Variants in ALG5 observed in about 807,000 individuals in gnomAD.
ALG5 encodes the protein dolichyl-phosphate beta-glucosyltransferase.
Under a neutral mutation model 51.8 loss-of-function variants are expected in ALG5, and 26 were observed. That is an observed-to-expected ratio of 0.50 (90% CI 0.37 to 0.70). The LOEUF is 0.70. Ranked by LOEUF, ALG5 falls within the 30% of genes least tolerant of loss-of-function variation. The probability of loss-of-function intolerance (pLI) is 0.00; values close to 1 mark genes in which losing one functional copy is unlikely to be tolerated. For synonymous variants in ALG5, 141 were observed against 136.1 expected (o/e 1.04, Z -0.25); for missense variants, 311 against 399.3 (o/e 0.78, Z 1.88).
intron 4 of ALG5, 90 bp from the exon 5 acceptor site, chr13:36,989,666 T>A: frequency 2.2e-6 from 2 of 921,258 alleles, no homozygotes; most frequent in Non-Finnish European, 3.4e-6. Flanking sequence ...CAAACACTGC[T>A]ATTGCAGTTT....
chr13:36,965,096 G>A (rs957823546), intron 8 of ALG5, among the ~76,000 whole-genome samples: 2 of 152,078 alleles, frequency 1.3e-5, no homozygotes, highest in East Asian at 3.9e-4. Context: ...CAATGGAAAG[G>A]GTTCTGGGAA....
At chr13:36,979,662 T>G (rs1213840994) in intron 6 of ALG5, among the ~76,000 whole-genome samples, 36 of 152,212 alleles carry the variant, frequency 2.4e-4, no homozygotes, top group Admixed American at 2.4e-3. Context: ...CTTCTTAATG[T>G]AATTTTTCTC....
chr13:36,994,593 G>A (rs1302078527), intron 3 of ALG5, among the ~76,000 whole-genome samples: 1 of 136,792 alleles, frequency 7.3e-6, no homozygotes. Flanking sequence ...TAAAAAAAGA[G>A]AGAAGAGAAT....
At chr13:36,970,548 C>T (rs896291082) in intron 7 of ALG5, among the ~76,000 whole-genome samples, 4 of 151,772 alleles carry the variant, frequency 2.6e-5, no homozygotes, top group Non-Finnish European at 4.4e-5. Flanking sequence ...TGCAGTAAGC[C>T]GAGATTGCGC....
At chr13:36,950,181 C>T (rs185915317) in intron 9 of ALG5, 124 bp from the exon 10 acceptor site, 4 of 535,798 alleles carry the variant, frequency 7.5e-6, no homozygotes. Flanking sequence ...AAATCATGGA[C>T]CAAAAAGTTA....
chr13:36,974,043 T>C (rs2058938453), intron 6 of ALG5, among the ~76,000 whole-genome samples: 1 of 152,228 alleles, frequency 6.6e-6, no homozygotes, highest in African/African-American at 2.4e-5. Flanking sequence ...ATTTCAGTAT[T>C]TGAAGTAGCA....
At chr13:36,964,376 T>C (rs1168111599) in intron 8 of ALG5, among the ~76,000 whole-genome samples, 1 of 152,154 alleles carries the variant, frequency 6.6e-6, no homozygotes, top group African/African-American at 2.4e-5. Context: ...AAGGATGGTG[T>C]TCTGGATGGC....
At chr13:36,989,721 C>T in intron 4 of ALG5, 145 bp from the exon 5 acceptor site, 1 of 599,512 alleles carries the variant, frequency 1.7e-6, no homozygotes, top group Non-Finnish European at 2.9e-6. Context: ...ATTCTGATGA[C>T]CTGGAGGAGC....
intron 7 of ALG5, 149 bp from the exon 8 acceptor site, chr13:36,965,875 A>C (rs1206441318): frequency 3.1e-6 from 2 of 637,074 alleles, no homozygotes; most frequent in Non-Finnish European, 5.1e-6. Context: ...CTTCACCAAC[A>C]AAGTATATTA....
intron 1 of ALG5, among the ~76,000 whole-genome samples, chr13:36,996,540 T>G (rs1349076855): frequency 6.6e-6 from 1 of 152,108 alleles, no homozygotes; most frequent in African/African-American, 2.4e-5. Flanking sequence ...TGGCCTATGA[T>G]GCAAGAATCT....
At chr13:36,955,797 C>T (rs995802196) in intron 8 of ALG5, among the ~76,000 whole-genome samples, 8 of 149,984 alleles carry the variant, frequency 5.3e-5, no homozygotes, top group Non-Finnish European at 8.9e-5. Flanking sequence ...TGCAGAAGGA[C>T]GAAACTGGAC....
chr13:36,979,446 T>C (rs1176090411), intron 6 of ALG5, among the ~76,000 whole-genome samples: 1 of 152,140 alleles, frequency 6.6e-6, no homozygotes, highest in African/African-American at 2.4e-5. Flanking sequence ...CTTGCTCACA[T>C]GGTCCACAAA....
intron 7 of ALG5, among the ~76,000 whole-genome samples, chr13:36,969,654 T>C (rs562081937): frequency 2.4e-4 from 37 of 152,074 alleles, no homozygotes; most frequent in African/African-American, 8.9e-4. Context: ...CCTGCCTCAG[T>C]CTCCCAAGTA....
rs558287263 is a variant in ALG5 at position 36,952,680 on chromosome 13, A to C, written c.774-81T>G. 2.3e-4 allele frequency: 178 copies of C among 771,796 alleles called. 1 individual carries two copies. In the African/African-American group the frequency reaches 2.4e-3, roughly 11 times the overall value. The allele number at this position is 771,796 out of a possible 1,614,324, so 47.8% of individuals were successfully genotyped here. A position where few individuals can be genotyped will look rare whatever the true frequency, so the allele number is the denominator to read the frequency against. On this transcript the variant is annotated intron_variant, in intron 8 of 9. Coordinates refer to ENST00000239891, the MANE Select transcript of ALG5 (RefSeq NM_013338.5). ...ATCTCTACCTTGGCATGTTTTAAAG[A>C]AGCTTACATGGCAGATATAAAGCTT...
chr13:36,972,258 G>T (rs1051665437), intron 6 of ALG5, among the ~76,000 whole-genome samples: 1 of 152,046 alleles, frequency 6.6e-6, no homozygotes, highest in Non-Finnish European at 1.5e-5. Context: ...AATATAAGGG[G>T]CATGCGTTAT....
intron 6 of ALG5, among the ~76,000 whole-genome samples, chr13:36,972,522 C>CAGA: frequency 9.6e-6 from 1 of 103,922 alleles, no homozygotes; most frequent in Admixed American, 9.6e-5. Flanking sequence ...ATAATCGAAG[C>CAGA]ATTTATAACA....
intron 3 of ALG5, among the ~76,000 whole-genome samples, chr13:36,994,146 A>G (rs1566068593): frequency 6.6e-6 from 1 of 152,226 alleles, no homozygotes; most frequent in Non-Finnish European, 1.5e-5. Context: ...GCTGGTGTGA[A>G]GATTACACGT....
intron 6 of ALG5, among the ~76,000 whole-genome samples, chr13:36,984,411 A>G (rs1424765243): frequency 6.6e-5 from 10 of 151,964 alleles, no homozygotes; most frequent in African/African-American, 2.4e-4. Flanking sequence ...TTTTCTTTTA[A>G]TACCATTTTG....
intron 8 of ALG5, among the ~76,000 whole-genome samples, chr13:36,958,307 G>A (rs1026531401): frequency 1.1e-4 from 16 of 152,062 alleles, no homozygotes; most frequent in African/African-American, 3.9e-4. Flanking sequence ...TTTTTCTAAA[G>A]GAAACCCCAC....
Sources: allele counts gnomAD v4.1 joint callset (sites outside exome capture counted in the v4.1 genomes callset), GRCh38; gene constraint gnomAD v4.1.1; transcripts MANE v1.5; gene names NCBI Gene and HGNC (gene_info 2026-07-23, HGNC 2026-07-21).